Variants in CCDC30 observed in about 807,000 individuals in gnomAD.
CCDC30 encodes coiled-coil domain-containing protein 30.
CCDC30 carries 70 observed loss-of-function variants against 100.2 expected under a neutral mutation model. The ratio of observed to expected loss-of-function variants is 0.70; its 90% CI spans 0.58 to 0.85. The LOEUF is 0.85. Ranked by LOEUF, CCDC30 falls within the 40% of genes least tolerant of loss-of-function variation. The pLI, the probability that CCDC30 is intolerant of heterozygous loss-of-function variation, is 0.00. For missense variants in CCDC30, 652 were observed against 771.2 expected, an observed-to-expected ratio of 0.85 and a Z score of 1.83; for synonymous variants, 233 against 269.5, an observed-to-expected ratio of 0.86 and a Z score of 1.33.
chr1:42,543,361 A>G (rs1335496490), intron 6 of CCDC30, among the ~76,000 whole-genome samples: 1 of 144,946 alleles, frequency 6.9e-6, no homozygotes, highest in Non-Finnish European at 1.5e-5. Context: ...TGTCTTTCTC[A>G]CTCACGCTGG....
chr1:42,632,282 CTCA>C (rs1647052441), intron 11 of CCDC30, among the ~76,000 whole-genome samples: 1 of 152,080 alleles, frequency 6.6e-6, no homozygotes, highest in Non-Finnish European at 1.5e-5. Flanking sequence ...GAAAGGGGGC[CTCA>C]TTACTCTGAC....
chr1:42,534,986 T>C (rs1372399494), intron 6 of CCDC30: 1 of 152,104 alleles, frequency 6.6e-6, no homozygotes, highest in East Asian at 1.9e-4. Context: ...AAGATTTGAA[T>C]GAGGTAAGAA....
At chr1:42,512,680 C>T (rs901098303) in intron 6 of CCDC30, among the ~76,000 whole-genome samples, 2 of 152,180 alleles carry the variant, frequency 1.3e-5, no homozygotes, top group Non-Finnish European at 2.9e-5. Flanking sequence ...CCCAGTCAAG[C>T]AGTCAGAGGC....
At chr1:42,570,091 G>A (rs1276171916) in intron 7 of CCDC30, among the ~76,000 whole-genome samples, 4 of 152,138 alleles carry the variant, frequency 2.6e-5, no homozygotes, top group Non-Finnish European at 5.9e-5. Flanking sequence ...AAACCTGCGT[G>A]TTCTGCACAT....
At chr1:42,572,330 T>C (rs971859231) in intron 7 of CCDC30, among the ~76,000 whole-genome samples, 13 of 152,194 alleles carry the variant, frequency 8.5e-5, no homozygotes. Flanking sequence ...GAAGTGCTTG[T>C]TCAAGATTTT....
chr1:42,479,951 G>A (rs1205332753), intron 1 of CCDC30, among the ~76,000 whole-genome samples: 3 of 152,088 alleles, frequency 2.0e-5, no homozygotes, highest in African/African-American at 4.8e-5. Context: ...CAGCTGCTCC[G>A]GCTGATAGAG....
chr1:42,617,281 A>C (rs1646744201), intron 11 of CCDC30, among the ~76,000 whole-genome samples: 1 of 152,202 alleles, frequency 6.6e-6, no homozygotes, highest in Admixed American at 6.5e-5. Flanking sequence ...TCTACCAAAA[A>C]AAAATTTTTT....
intron 6 of CCDC30, among the ~76,000 whole-genome samples, chr1:42,556,978 G>T (rs370055812): frequency 1.3e-5 from 2 of 152,224 alleles, no homozygotes; most frequent in East Asian, 3.9e-4. Flanking sequence ...ATTTTACTAG[G>T]GATCTGCCTG....
chr1:42,488,959 A>G (rs1457777554), intron 3 of CCDC30, among the ~76,000 whole-genome samples: 1 of 152,192 alleles, frequency 6.6e-6, no homozygotes, highest in Non-Finnish European at 1.5e-5. Context: ...CAGACCAGGC[A>G]GTATTAGACT....
intron 6 of CCDC30, among the ~76,000 whole-genome samples, chr1:42,564,843 A>G (rs989344116): frequency 1.3e-5 from 2 of 152,046 alleles, no homozygotes; most frequent in African/African-American, 4.8e-5. Context: ...TCCCCTCCCC[A>G]GCCTCTCAAC....
chr1:42,641,059 C>T (rs192573917), intron 12 of CCDC30, among the ~76,000 whole-genome samples: 1 of 151,962 alleles, frequency 6.6e-6, no homozygotes, highest in East Asian at 1.9e-4. Context: ...AGTTTGAGAC[C>T]AGCCTGAGCA....
chr1:42,634,844 A>G (rs976245445), intron 11 of CCDC30, among the ~76,000 whole-genome samples: 1 of 152,146 alleles, frequency 6.6e-6, no homozygotes, highest in Non-Finnish European at 1.5e-5. Flanking sequence ...CTATCACTCT[A>G]TCCCCAGTTC....
chr1:42,485,691 G>A (rs1179937532), intron 3 of CCDC30, among the ~76,000 whole-genome samples: 1 of 152,062 alleles, frequency 6.6e-6, no homozygotes, highest in Non-Finnish European at 1.5e-5. Flanking sequence ...ACATTTCCAG[G>A]AAGAAGATAT....
At chr1:42,502,864 A>G (rs1239429006) in intron 6 of CCDC30, among the ~76,000 whole-genome samples, 2 of 152,130 alleles carry the variant, frequency 1.3e-5, no homozygotes, top group African/African-American at 4.8e-5. Flanking sequence ...ATGAATTAGT[A>G]CTTTATCCCT....
chr1:42,622,562 GT>G (rs1646859669), intron 11 of CCDC30, among the ~76,000 whole-genome samples: 1 of 151,878 alleles, frequency 6.6e-6, no homozygotes, highest in Non-Finnish European at 1.5e-5. Context: ...TGCCTCCCAG[GT>G]TCAAGCAATT....
At chr1:42,656,861 C>CT (rs1256791689), downstream of CCDC30, among the ~76,000 whole-genome samples, 4 of 152,164 alleles carry the variant, frequency 2.6e-5, no homozygotes, top group African/African-American at 9.7e-5. Flanking sequence ...TTTATTTTCA[C>CT]TAGAGGTTTA....
intron 6 of CCDC30, among the ~76,000 whole-genome samples, chr1:42,505,275 TTGGCCAGAACTA>T: frequency 6.6e-6 from 1 of 152,218 alleles, no homozygotes; most frequent in East Asian, 1.9e-4. Flanking sequence ...TGCAGGATAA[TTGGCCAGAACTA>T]TCTGGCCAAT....
chr1:42,461,269 A>G (rs532260071), upstream of CCDC30, among the ~76,000 whole-genome samples: 10 of 152,352 alleles, frequency 6.6e-5, no homozygotes, highest in South Asian at 2.1e-3. Flanking sequence ...TAATCAGGAA[A>G]TGTGACCTTG....
chr1:42,463,606 A>T (rs527252179), exon 1 of CCDC30: 1 of 152,112 alleles, frequency 6.6e-6, no homozygotes, highest in Non-Finnish European at 1.5e-5. Context: ...ACAAGCATTT[A>T]GTATTAGGCT....
Sources: allele counts gnomAD v4.1 joint callset (sites outside exome capture counted in the v4.1 genomes callset), GRCh38; gene constraint gnomAD v4.1.1; transcripts MANE v1.5; gene names NCBI Gene and HGNC (gene_info 2026-07-23, HGNC 2026-07-21).